The following SRGAP2B variants were observed in gnomAD, a reference collection of about 807,000 sequenced individuals.
The protein encoded by SRGAP2B is SLIT-ROBO Rho GTPase activating protein 2B.
SRGAP2B carries 9 observed loss-of-function variants against 22.2 expected under a neutral mutation model. The observed-to-expected ratio is 0.41, with a 90% CI of 0.24 to 0.71. The LOEUF (loss-of-function observed/expected upper bound fraction) is 0.71, where lower values mean the gene tolerates loss of function less well. SRGAP2B is among the 30% of genes least tolerant of loss of function. The pLI is 0.35. For synonymous variants in SRGAP2B, 36 were observed against 87.4 expected, an observed-to-expected ratio of 0.41 and a Z score of 3.28; for missense variants, 114 against 235.8, an observed-to-expected ratio of 0.48 and a Z score of 3.38.
chr1:144,990,576 T>G (rs1570942316), intron 3 of SRGAP2B, among the ~76,000 whole-genome samples: 1 of 136,876 alleles, frequency 7.3e-6, no homozygotes, highest in Non-Finnish European at 1.5e-5. Flanking sequence ...GCCTCCCCCC[T>G]GCACTGTGGG....
At chr1:145,007,897 C>T (rs1324663980) in intron 2 of SRGAP2B, among the ~76,000 whole-genome samples, 1 of 108,506 alleles carries the variant, frequency 9.2e-6, no homozygotes, top group Non-Finnish European at 1.8e-5. Context: ...ACCTCTGCCT[C>T]CCAGCCTCAA....
intron 4 of SRGAP2B, among the ~76,000 whole-genome samples, chr1:144,944,694 T>G: frequency 6.9e-6 from 1 of 144,736 alleles, no homozygotes; most frequent in Admixed American, 6.9e-5. Flanking sequence ...TTTATTTATT[T>G]ATTTATTTAT....
At chr1:144,995,242 A>G (rs1553618318) in intron 2 of SRGAP2B, 42 bp from the exon 3 acceptor site, 1 of 571,400 alleles carries the variant, frequency 1.8e-6, no homozygotes, top group Admixed American at 4.1e-5. Flanking sequence ...AGACAGCCCT[A>G]AATAAACCAC....
At chr1:144,925,780 AAAGAAAGAAAGAAAG>A (rs1664679118) in intron 4 of SRGAP2B, among the ~76,000 whole-genome samples, 1 of 138,312 alleles carries the variant, frequency 7.2e-6, no homozygotes, top group Non-Finnish European at 1.6e-5. Flanking sequence ...AGAAAGAAAG[AAAGAAAGAAAGAAAG>A]GAGAGAGAAA....
intron 4 of SRGAP2B, among the ~76,000 whole-genome samples, chr1:144,952,630 C>T (rs1217889936): frequency 2.0e-5 from 3 of 149,940 alleles, no homozygotes; most frequent in Non-Finnish European, 4.4e-5. Context: ...AGTGCAGTGG[C>T]ATGATTACAG....
intron 3 of SRGAP2B, among the ~76,000 whole-genome samples, chr1:144,958,209 C>T (rs1414237176): frequency 6.6e-6 from 1 of 151,380 alleles, no homozygotes; most frequent in Non-Finnish European, 1.5e-5. Context: ...GCAGAGGAGG[C>T]AAAATCAACC....
intron 2 of SRGAP2B, among the ~76,000 whole-genome samples, chr1:145,070,011 G>A (rs1553633143): frequency 6.7e-6 from 1 of 149,390 alleles, no homozygotes; most frequent in East Asian, 2.0e-4. Context: ...GGCTCCTTTG[G>A]CTGGTTGAGA....
chr1:145,076,311 A>G (rs1256839821), intron 2 of SRGAP2B, among the ~76,000 whole-genome samples: 1 of 149,558 alleles, frequency 6.7e-6, no homozygotes, highest in Non-Finnish European at 1.5e-5. Flanking sequence ...ATAGGTACAC[A>G]TCACCATGCC....
intron 5 of SRGAP2B, among the ~76,000 whole-genome samples, chr1:144,914,179 C>CT (rs2101739453): frequency 6.6e-6 from 1 of 151,946 alleles, no homozygotes; most frequent in South Asian, 2.1e-4. Flanking sequence ...GAAGCCAGTG[C>CT]AAAGCTCTCT....
At chr1:144,954,102 C>T (rs1427564648) in intron 4 of SRGAP2B, among the ~76,000 whole-genome samples, 8 of 143,760 alleles carry the variant, frequency 5.6e-5, no homozygotes, top group Non-Finnish European at 1.1e-4. Context: ...GTGGCCCCAA[C>T]CACAGCACAG....
intron 3 of SRGAP2B, among the ~76,000 whole-genome samples, chr1:144,985,503 TA>T (rs60307527): frequency 6.0e-4 from 89 of 148,204 alleles, no homozygotes; most frequent in South Asian, 6.4e-4. Context: ...CAAGTCTATT[TA>T]AAAAAAAAAC....
intron 3 of SRGAP2B, among the ~76,000 whole-genome samples, chr1:144,982,199 A>G: frequency 7.3e-6 from 1 of 136,976 alleles, no homozygotes; most frequent in Middle Eastern, 3.8e-3. Flanking sequence ...TAGGGATAAT[A>G]GTTGCTACTA....
At chr1:144,992,155 G>T (rs1670296593) in intron 3 of SRGAP2B, among the ~76,000 whole-genome samples, 1 of 150,362 alleles carries the variant, frequency 6.7e-6, no homozygotes, top group South Asian at 2.1e-4. Flanking sequence ...AAGGTCTGCA[G>T]CTTCACTCCT....
At chr1:144,992,273 G>A (rs1191379592) in intron 3 of SRGAP2B, among the ~76,000 whole-genome samples, 6 of 150,806 alleles carry the variant, frequency 4.0e-5, no homozygotes, top group East Asian at 1.9e-4. Flanking sequence ...AACACTCACC[G>A]CGAGGGTCCG....
chr1:145,065,968 C>CT (rs1425614100), intron 2 of SRGAP2B, among the ~76,000 whole-genome samples: 1 of 52,792 alleles, frequency 1.9e-5, no homozygotes, highest in African/African-American at 8.0e-5. Context: ...GCCCTATTAA[C>CT]TGTGTGACTT....
At chr1:144,929,517 T>A in intron 4 of SRGAP2B, among the ~76,000 whole-genome samples, 1 of 151,038 alleles carries the variant, frequency 6.6e-6, no homozygotes, top group East Asian at 1.9e-4. Flanking sequence ...TTTAATCTCA[T>A]AAACATATTA....
intron 4 of SRGAP2B, among the ~76,000 whole-genome samples, chr1:144,937,060 CAAG>C (rs1449907582): frequency 2.6e-5 from 3 of 117,472 alleles, no homozygotes; most frequent in South Asian, 3.1e-4. Flanking sequence ...CCATTGTTTC[CAAG>C]AAGAATATCT....
chr1:144,969,914 A>T (rs1668373822), intron 3 of SRGAP2B, among the ~76,000 whole-genome samples: 1 of 150,968 alleles, frequency 6.6e-6, no homozygotes, highest in Non-Finnish European at 1.5e-5. Context: ...ATCACTGGCC[A>T]TCAGAGAAAT....
At chr1:145,009,155 C>T (rs1553621757) in intron 2 of SRGAP2B, among the ~76,000 whole-genome samples, 1 of 134,222 alleles carries the variant, frequency 7.5e-6, no homozygotes. Flanking sequence ...CCAGCCTGGG[C>T]GACAGAGCGA....
Sources: gnomAD v4.1 joint callset for allele counts (sites outside exome capture counted in the v4.1 genomes callset) on GRCh38, gnomAD v4.1.1 for gene constraint, MANE v1.5 for transcripts, NCBI Gene and HGNC (gene_info 2026-07-23, HGNC 2026-07-21) for gene names.